CDH12: variants seen among roughly 807,000 people sequenced by gnomAD.
CDH12 encodes cadherin 12, also known as cadherin-12.
Under a neutral mutation model 74.1 loss-of-function variants are expected in CDH12, and 41 were observed. That is an observed-to-expected ratio of 0.55 (90% CI 0.43 to 0.72). CDH12 has a LOEUF of 0.72. Among genes scored for constraint, CDH12 ranks in the 30% least tolerant of loss-of-function variants. The pLI is 0.00. For missense variants in CDH12, 945 were observed against 977.2 expected (o/e 0.97, Z 0.44); for synonymous variants, 399 against 355.0 (o/e 1.12, Z -1.39).
intron 2 of CDH12, among the ~76,000 whole-genome samples, chr5:22,483,659 C>A (rs1347803638): frequency 1.4e-5 from 2 of 144,354 alleles, no homozygotes; most frequent in Non-Finnish European, 1.5e-5. Flanking sequence ...ATATAGGAAA[C>A]CTTATGCAGA....
intron 1 of CDH12, among the ~76,000 whole-genome samples, chr5:22,798,998 T>C (rs968125851): frequency 6.6e-6 from 1 of 152,056 alleles, no homozygotes; most frequent in Non-Finnish European, 1.5e-5. Flanking sequence ...ATACCTGTGG[T>C]TTCAGGTACT....
chr5:21,804,609 C>T (rs1747322388), intron 9 of CDH12, among the ~76,000 whole-genome samples: 1 of 145,882 alleles, frequency 6.9e-6, no homozygotes, highest in Admixed American at 7.0e-5. Context: ...AAGAGAAAAC[C>T]TCTAATAAAT....
intron 4 of CDH12, among the ~76,000 whole-genome samples, chr5:22,175,914 A>G (rs1378029072): frequency 6.6e-6 from 1 of 152,122 alleles, no homozygotes; most frequent in Non-Finnish European, 1.5e-5. Context: ...AGAAGCACCA[A>G]TCATCACAGG....
At chr5:22,254,904 A>G (rs1012358424) in intron 3 of CDH12, among the ~76,000 whole-genome samples, 7 of 151,848 alleles carry the variant, frequency 4.6e-5, no homozygotes, top group African/African-American at 1.4e-4. Flanking sequence ...TCCCATTTCA[A>G]TCTTTTAGTT....
At chr5:22,737,188 T>C (rs1270156400) in intron 1 of CDH12, among the ~76,000 whole-genome samples, 5 of 151,918 alleles carry the variant, frequency 3.3e-5, no homozygotes, top group African/African-American at 7.2e-5. Context: ...CGAAATTTTG[T>C]GTGTATTATT....
chr5:22,495,882 T>C (rs539111003), intron 2 of CDH12, among the ~76,000 whole-genome samples: 125 of 152,298 alleles, frequency 8.2e-4, no homozygotes, highest in African/African-American at 2.9e-3. Flanking sequence ...AGGGGGAACA[T>C]TCTATTCCTT....
At chr5:22,576,223 C>T (rs1188486839) in intron 1 of CDH12, among the ~76,000 whole-genome samples, 2 of 152,168 alleles carry the variant, frequency 1.3e-5, no homozygotes, top group Non-Finnish European at 2.9e-5. Flanking sequence ...GCATGATGGC[C>T]ATGCGCAGTC....
At chr5:22,141,052 A>G (rs1243891035) in intron 4 of CDH12, 1 of 152,152 alleles carries the variant, frequency 6.6e-6, no homozygotes, top group Non-Finnish European at 1.5e-5. Flanking sequence ...TGTATCCATT[A>G]TCATACTTCT....
At chr5:22,034,898 G>C (rs1228461169) in intron 5 of CDH12, among the ~76,000 whole-genome samples, 1 of 152,070 alleles carries the variant, frequency 6.6e-6, no homozygotes, top group African/African-American at 2.4e-5. Flanking sequence ...ACAATACCAG[G>C]TACAGTAAGT....
chr5:22,609,125 A>G (rs907539655), intron 1 of CDH12, among the ~76,000 whole-genome samples: 9 of 152,128 alleles, frequency 5.9e-5, no homozygotes, highest in Admixed American at 4.6e-4. Context: ...GAATGCATCC[A>G]TCTACCCTTT....
chr5:22,457,188 A>G (rs570534391), intron 2 of CDH12, among the ~76,000 whole-genome samples: 1 of 152,106 alleles, frequency 6.6e-6, no homozygotes, highest in Non-Finnish European at 1.5e-5. Flanking sequence ...CAAAGGTTTC[A>G]TGACTGTTTT....
intron 1 of CDH12, among the ~76,000 whole-genome samples, chr5:22,701,479 A>G (rs1019760481): frequency 2.6e-5 from 4 of 152,050 alleles, no homozygotes; most frequent in African/African-American, 9.7e-5. Context: ...TGAAAACAAA[A>G]TTGAACTTCT....
intron 10 of CDH12, among the ~76,000 whole-genome samples, chr5:21,784,173 G>A (rs144506257): frequency 2.4e-4 from 36 of 152,076 alleles, no homozygotes; most frequent in African/African-American, 6.5e-4. Context: ...GTTGCCCTAC[G>A]TGAAGCAACT....
intron 3 of CDH12, among the ~76,000 whole-genome samples, chr5:22,237,524 T>A (rs1008953337): frequency 6.6e-6 from 1 of 152,104 alleles, no homozygotes; most frequent in African/African-American, 2.4e-5. Context: ...TTCCTCCTTG[T>A]AAGGACATGG....
At chr5:21,984,807 T>C (rs772354987) in intron 5 of CDH12, among the ~76,000 whole-genome samples, 1 of 152,180 alleles carries the variant, frequency 6.6e-6, no homozygotes, top group Non-Finnish European at 1.5e-5. Flanking sequence ...AAAATCTAGA[T>C]TAAACCATTC....
chr5:22,432,427 T>C (rs753700421), intron 2 of CDH12, among the ~76,000 whole-genome samples: 2 of 152,124 alleles, frequency 1.3e-5, no homozygotes, highest in Non-Finnish European at 2.9e-5. Context: ...TTGAACTGTT[T>C]TATTATTTAT....
chr5:21,796,595 T>C (rs1746794212), intron 10 of CDH12, among the ~76,000 whole-genome samples: 1 of 152,122 alleles, frequency 6.6e-6, no homozygotes, highest in Non-Finnish European at 1.5e-5. Context: ...TACATCATCA[T>C]TCTGTTATTA....
At chr5:22,693,454 G>T (rs1445081729) in intron 1 of CDH12, among the ~76,000 whole-genome samples, 1 of 151,966 alleles carries the variant, frequency 6.6e-6, no homozygotes, top group African/African-American at 2.4e-5. Context: ...AAGAGAGAAG[G>T]GGACTTAGAT....
chr5:21,817,032 T>C lies in CDH12; in HGVS notation c.915A>G (p.Glu305=). 1 of 1,612,830 alleles carries C rather than the reference T, an allele frequency of 6.2e-7. No homozygotes were observed. The highest frequency in any genetic ancestry group is 8.5e-7 in the Non-Finnish European group (1 of 1,179,136). ...DPDFGQNAEI[E]YNIVPGDGGN... is the part of the protein sequence containing the mutation. ...CCCCATCTCCTGGAACAATATTGTATTCAATTTCTGCATTTTGTCCAAAAT... is the reference window on the plus strand; with the variant it reads ...CCCCATCTCCTGGAACAATATTGTACTCAATTTCTGCATTTTGTCCAAAAT... Residue 305 remains glutamate (E), a synonymous_variant, in exon 9 of 15, where the codon GAA becomes GAG. Transcript: ENST00000382254.
Sources: allele counts gnomAD v4.1 joint callset (sites outside exome capture counted in the v4.1 genomes callset), GRCh38; gene constraint gnomAD v4.1.1; transcripts MANE v1.5; gene names NCBI Gene and HGNC (gene_info 2026-07-23, HGNC 2026-07-21).